Variants in PYROXD1 observed in about 807,000 individuals in gnomAD.
PYROXD1 encodes tRNA ligase complex-associated NAD(P)H dehydrogenase PYROXD1.
A neutral mutation model predicts 62.0 loss-of-function variants in PYROXD1; 42 were observed. The observed-to-expected ratio is 0.68, with a 90% CI of 0.53 to 0.88. The LOEUF is 0.88. PYROXD1 is among the 40% of genes least tolerant of loss of function. The probability of loss-of-function intolerance (pLI) is 0.00; values close to 1 mark genes in which losing one functional copy is unlikely to be tolerated. For synonymous variants in PYROXD1, 170 were observed against 206.4 expected, an observed-to-expected ratio of 0.82 and a Z score of 1.51; for missense variants, 493 against 604.8, an observed-to-expected ratio of 0.82 and a Z score of 1.94.
At position 21,470,813 on chromosome 12, in the gene PYROXD1, A is replaced by G. The variant is rs1409918725; in HGVS notation, c.*2059A>G. On this transcript the variant is annotated 3_prime_UTR_variant, in exon 12 of 12. Transcript: ENST00000240651. ...AATTCTTTCACTTACATCTTTACAG[A>G]AAACTATATTTTCTCTCTTCCATAC... 7 of 483,958 alleles carry G rather than the reference A, an allele frequency of 1.4e-5. No individual in the cohort carries two copies. Among genetic ancestry groups the G allele is most frequent in the Non-Finnish European group, 2.0e-5 (6 of 301,812 alleles). 30.0% of individuals were successfully genotyped at this position (483,958 alleles called of 1,614,324 possible).
chr12:21,452,324 TCCA>T (rs937153882), intron 5 of PYROXD1, among the ~76,000 whole-genome samples, 170 bp downstream of exon 5: 3 of 152,040 alleles, frequency 2.0e-5, no homozygotes, highest in South Asian at 4.1e-4. Flanking sequence ...AGGGGAAAAA[TCCA>T]CCATATTTTT....
Position 21,468,976 on chromosome 12 carries a change from A to G in PYROXD1, c.*222A>G, listed in dbSNP as rs1591962427. On this transcript the variant is annotated 3_prime_UTR_variant, in exon 12 of 12. Transcript: ENST00000240651. ...TTCCAATACAACACTGACCGCTTAG[A>G]TAAAAATCTTAAGTTATTTATTTCT... is the stretch of plus-strand genomic sequence containing the variant. The G allele has an allele frequency of 5.0e-6, 2 of 403,148 alleles. No homozygotes were observed. Among genetic ancestry groups the G allele is most frequent in the Non-Finnish European group, 8.8e-6 (2 of 227,610 alleles). The allele number at this position is 403,148 out of a possible 1,614,324, so 25.0% of individuals were successfully genotyped here.
At chr12:21,441,919 G>A (rs1290498670) in intron 2 of PYROXD1, among the ~76,000 whole-genome samples, 2 of 152,210 alleles carry the variant, frequency 1.3e-5, no homozygotes, top group African/African-American at 4.8e-5. Flanking sequence ...TGCTAGATGG[G>A]ATGTAGCAGT....
In PYROXD1 at chr12:21,462,730, T is replaced by C. The variant is rs3782660; in HGVS notation, c.994-10T>C. 0.49 allele frequency: 785,681 copies of C among 1,611,118 alleles called. 192,598 individuals carry two copies. The highest frequency in any genetic ancestry group is 0.56 in the Middle Eastern group (3,222 of 5,784). On this transcript the variant is annotated splice_polypyrimidine_tract_variant and intron_variant, in intron 9 of 11. Transcript: ENST00000240651. The stretch of plus-strand genomic sequence containing the variant: ...CTTAACACTTAACGCTTATGAGGAA[T>C]GTTGTTTAGTTTGATCTAGGAGAAG...
rs769474967 is a variant in PYROXD1 at position 21,467,532 on chromosome 12, A to C, written c.1168A>C (p.Met390Leu). The change falls in exon 11 of 12, where the codon ATG (methionine) becomes CTG (leucine). Residue 390 changes from methionine to leucine, a missense_variant. Physicochemically the swap from Met to Leu is conservative, Grantham distance 15 (BLOSUM62 2). Around this residue, in one of 2 missense-constraint regions of PYROXD1, gnomAD observed 329 missense variants for 446.6 expected, o/e 0.74. Coordinates refer to ENST00000240651, the MANE Select transcript of PYROXD1 (RefSeq NM_024854.5). ...RQMGWYAAKC[M>L]AAASSGDSID... ...GATGGGATGGTATGCAGCAAAGTGC[A>C]TGGCTGCAGCGAGTTCAGGAGACTC... 6.8e-6 allele frequency: 11 copies of C among 1,609,866 alleles called. No individual in the cohort carries two copies. Among genetic ancestry groups the C allele is most frequent in the African/African-American group, 2.7e-5 (2 of 74,748 alleles).
intron 2 of PYROXD1, among the ~76,000 whole-genome samples, chr12:21,442,985 G>A (rs1942324251): frequency 6.6e-6 from 1 of 151,930 alleles, no homozygotes; most frequent in South Asian, 2.1e-4. Context: ...CCCTCTTTGG[G>A]CTATTTTGGC....
rs777745816 is a variant in PYROXD1, at chr12:21,445,440, G to A, written c.259G>A (p.Val87Ile). 1.2e-5 allele frequency: 20 copies of A among 1,604,394 alleles called. No individual in the cohort carries two copies. The highest frequency in any genetic ancestry group is 1.6e-5 in the Non-Finnish European group (19 of 1,177,296). ...FPNIKVIESG[V>I]KQLKSEEHCI... ...CAACATTAAGGTTATAGAATCTGGC[G>A]TAAAGCAACTGAAGAGTGAAGAACA... Residue 87 changes from valine to isoleucine, a missense_variant, in exon 3 of 12, where the codon GTA becomes ATA. By Grantham distance (29) the Val-to-Ile change is conservative. Around this residue, in one of 2 missense-constraint regions of PYROXD1, gnomAD observed 164 missense variants for 158.2 expected, o/e 1.04. Transcript: ENST00000240651.
In PYROXD1 at chr12:21,445,375, T is replaced by G. The variant is rs1565544848; in HGVS notation, c.194T>G (p.Val65Gly). ...TCTAAAATATTGGAAGAATTCGATG[T>G]TGAAGAACAATCAAGTACCATGTTA... ...QISKILEEFD[V>G]EEQSSTMLGK... The change falls in exon 3 of 12, where the codon GTT becomes GGT. Residue 65 changes from valine (V) to glycine (G), a missense_variant. Coordinates refer to ENST00000240651, the MANE Select transcript of PYROXD1 (RefSeq NM_024854.5). The G allele has an allele frequency of 1.2e-6, 2 of 1,603,838 alleles. No individual in the cohort carries two copies. The highest frequency in any genetic ancestry group is 1.7e-6 in the Non-Finnish European group (2 of 1,177,132).
At chr12:21,450,934 A>G (rs1291138485) in intron 4 of PYROXD1, among the ~76,000 whole-genome samples, 4 of 152,168 alleles carry the variant, frequency 2.6e-5, no homozygotes, top group Non-Finnish European at 5.9e-5. Context: ...TATCTATACT[A>G]ATTTAGCTGT....
At position 21,440,542 on chromosome 12, in the gene PYROXD1, A is replaced by T. The variant is rs1942275127; in HGVS notation, c.165+94A>T. Reference sequence around the variant, plus strand: ...GTAATTGTGTATTTTTTTCTTTCTTAAAAATTGACAAGTACAGTTATATGC... The same window carrying T: ...GTAATTGTGTATTTTTTTCTTTCTTTAAAATTGACAAGTACAGTTATATGC... On this transcript the variant is annotated intron_variant, in intron 2 of 11. Transcript: ENST00000240651. The T allele has an allele frequency of 1.4e-5, 10 of 698,934 alleles. No individual in the cohort carries two copies. The Admixed American group carries it at 2.8e-4, about 19-fold the overall frequency. The allele number at this position is 698,934 out of a possible 1,614,324, so 43.3% of individuals were successfully genotyped here.
Position 21,445,380 on chromosome 12 carries a change from G to A in PYROXD1, c.199G>A (p.Glu67Lys). ...AATATTGGAAGAATTCGATGTTGAA[G>A]AACAATCAAGTACCATGTTAGGAAA... ...SKILEEFDVE[E>K]QSSTMLGKRF... The change falls in exon 3 of 12, where the codon GAA (glutamate) becomes AAA (lysine). Residue 67 changes from glutamate (E) to lysine (K), a missense_variant. By Grantham distance (56) the Glu-to-Lys change is moderately conservative. Transcript: ENST00000240651. 1.2e-6 allele frequency: 2 copies of A among 1,604,806 alleles called. No homozygotes were observed. Among genetic ancestry groups the A allele is most frequent in the South Asian group, 1.1e-5 (1 of 88,416 alleles).
At chr12:21,446,296 A>G (rs1263195406) in intron 3 of PYROXD1, among the ~76,000 whole-genome samples, 1 of 145,896 alleles carries the variant, frequency 6.9e-6, no homozygotes, top group Non-Finnish European at 1.5e-5. Context: ...GGTGGCGTGC[A>G]CCTGTTAGTC....
rs776372572 is a variant in PYROXD1 at position 21,462,882 on chromosome 12, T to C, written c.1116+20T>C. On this transcript the variant is annotated intron_variant, in intron 10 of 11. Coordinates refer to ENST00000240651, the MANE Select transcript of PYROXD1 (RefSeq NM_024854.5). Reference sequence around the variant, plus strand: ...CAGCAGGTAAGCTAGCATATATAATTATATGTTTTCATCAGAGATTCTGTC... The same window carrying C: ...CAGCAGGTAAGCTAGCATATATAATCATATGTTTTCATCAGAGATTCTGTC... 1 of 1,598,542 alleles carries C rather than the reference T, an allele frequency of 6.3e-7. No homozygotes were observed. Among genetic ancestry groups the C allele is most frequent in the Non-Finnish European group, 8.5e-7 (1 of 1,174,274 alleles).
At chr12:21,451,364 A>G (rs1206862707) in intron 4 of PYROXD1, among the ~76,000 whole-genome samples, 3 of 151,392 alleles carry the variant, frequency 2.0e-5, no homozygotes, top group African/African-American at 7.3e-5. Context: ...TACATTTACC[A>G]CTGGCTTCTC....
In PYROXD1 at chr12:21,462,754, A is replaced by AG. The variant is rs1942722461; in HGVS notation, c.1009dup (p.Asp337GlyfsTer8). ...ATGTTGTTTAGTTTGATCTAGGAGA[A>AG]GATGGTGGCCTGAAAGTGGATGATC... On this transcript the variant is annotated frameshift_variant, in exon 10 of 12. Transcript: ENST00000240651. LOFTEE classifies it high-confidence loss of function. 6.2e-7 allele frequency: 1 copy of AG among 1,613,982 alleles called. No homozygotes were observed. The highest frequency in any genetic ancestry group is 2.2e-5 in the East Asian group (1 of 44,868).
Position 21,445,366 on chromosome 12 carries a change from A to G in PYROXD1, c.185A>G (p.Glu62Gly). ...ATACAGATTTCTAAAATATTGGAAGAATTCGATGTTGAAGAACAATCAAGT... is the reference window on the plus strand; with the variant it reads ...ATACAGATTTCTAAAATATTGGAAGGATTCGATGTTGAAGAACAATCAAGT... ...NFKQISKILEEFDVEEQSSTM... is the reference protein window; with the variant it reads ...NFKQISKILEGFDVEEQSSTM... The change falls in exon 3 of 12, where the codon GAA becomes GGA. Residue 62 changes from glutamate (E) to glycine (G), a missense_variant. Around this residue, in one of 2 missense-constraint regions of PYROXD1, gnomAD observed 164 missense variants for 158.2 expected, o/e 1.04. Transcript: ENST00000240651. 1 of 1,598,862 alleles carries G rather than the reference A, an allele frequency of 6.3e-7. No homozygotes were observed. Among genetic ancestry groups the G allele is most frequent in the Non-Finnish European group, 8.5e-7 (1 of 1,175,764 alleles).
At position 21,440,468 on chromosome 12, in the gene PYROXD1, TTGTTAA is replaced by T. The variant is rs764560242; in HGVS notation, c.165+22_165+27del. On this transcript the variant is annotated intron_variant, in intron 2 of 11. Transcript: ENST00000240651. ...AAGCAGGTAAGAACCTTTGTATAAC[TTGTTAA>T]TATTAATTTGAAAAAATTGCAATAA... 5 of 1,412,068 alleles carry T rather than the reference TTGTTAA, an allele frequency of 3.5e-6. No homozygotes were observed. The highest frequency in any genetic ancestry group is 4.9e-6 in the Non-Finnish European group (5 of 1,018,508). The allele number at this position is 1,412,068 out of a possible 1,614,324, so 87.5% of individuals were successfully genotyped here.
intron 4 of PYROXD1, 29 bp from the exon 5 acceptor site, chr12:21,452,052 A>G: frequency 1.5e-6 from 2 of 1,352,198 alleles, no homozygotes; most frequent in Non-Finnish European, 1.0e-6. Flanking sequence ...ATTACAAAAT[A>G]CTACCTCATT....
In PYROXD1 at chr12:21,461,991, GT is replaced by G. The variant is rs566366307; in HGVS notation, c.881-8del. ...TTTACAAATAAAGTCTGTTTTTTTG[GT>G]TTTTTTTTCTTAAAGAGATGTGGCC... is the stretch of plus-strand genomic sequence containing the variant. On this transcript the variant is annotated splice_polypyrimidine_tract_variant and intron_variant, in intron 8 of 11. Coordinates refer to ENST00000240651, the MANE Select transcript of PYROXD1 (RefSeq NM_024854.5). The G allele has an allele frequency of 1.7e-5, 24 of 1,395,512 alleles. No individual in the cohort carries two copies. The highest frequency in any genetic ancestry group is 2.6e-4 in the Middle Eastern group (1 of 3,884). 86.4% of individuals were successfully genotyped at this position (1,395,512 alleles called of 1,614,324 possible).
Sources: allele counts gnomAD v4.1 joint callset (sites outside exome capture counted in the v4.1 genomes callset), GRCh38; gene constraint gnomAD v4.1.1; regional missense constraint gnomAD v4.1.1; transcripts MANE v1.5; gene names NCBI Gene and HGNC (gene_info 2026-07-23, HGNC 2026-07-21).